SLC6A3: variants seen among roughly 807,000 people sequenced by gnomAD.
The protein encoded by SLC6A3 is sodium-dependent dopamine transporter.
In SLC6A3, 19 loss-of-function variants were observed where a neutral mutation model predicts 70.4. The ratio of observed to expected loss-of-function variants is 0.27; its 90% CI spans 0.19 to 0.40. The LOEUF is 0.40. SLC6A3 is among the 10% of genes least tolerant of loss of function. The pLI is 1.00. For missense variants in SLC6A3, 613 were observed against 838.5 expected, an observed-to-expected ratio of 0.73 and a Z score of 3.32; for synonymous variants, 368 against 356.6, an observed-to-expected ratio of 1.03 and a Z score of -0.36.
In SLC6A3 at chr5:1,405,018, G is replaced by T. The variant is rs956994859; in HGVS notation, c.1599+1170C>A. 1.3e-5 allele frequency among the ~76,000 whole-genome samples: 2 copies of T among 152,178 alleles called. No individual in the cohort carries two copies. The highest frequency in any genetic ancestry group is 4.8e-5 in the African/African-American group (2 of 41,450). On this transcript the variant is annotated intron_variant, in intron 12 of 14. Transcript: ENST00000270349. This position sits in a 1 kb window ranked among gnomAD's most constrained non-coding sequence, Gnocchi z 5.3. ...GGGGAGAGCGGGAGGTGGGCAGGAGGCTGACTTTCTGGGAGGGCTTCCTCA... is the reference window on the plus strand; with the variant it reads ...GGGGAGAGCGGGAGGTGGGCAGGAGTCTGACTTTCTGGGAGGGCTTCCTCA...
At chr5:1,425,157 G>A (rs538394633) in intron 4 of SLC6A3, among the ~76,000 whole-genome samples, 1 of 152,324 alleles carries the variant, frequency 6.6e-6, no homozygotes, top group East Asian at 1.9e-4. Context: ...TTTTCCTGGT[G>A]AATTCCTGGC....
Position 1,402,322 on chromosome 5 carries a change from A to G in SLC6A3, c.1767+600T>C, listed in dbSNP as rs1284258963. ...TGACTGGTCCACCTGCCTTTCTTCT[A>G]CACAAAGGCGGCAAAACCAAGCAGA... is the stretch of plus-strand genomic sequence containing the variant. On this transcript the variant is annotated intron_variant, in intron 13 of 14. Transcript: ENST00000270349. The surrounding 1 kb of genome is among the most constrained non-coding windows in gnomAD (Gnocchi z 8.5). 6.6e-6 allele frequency among the ~76,000 whole-genome samples: 1 copy of G among 151,370 alleles called. No homozygotes were observed. Among genetic ancestry groups the G allele is most frequent in the East Asian group, 2.0e-4 (1 of 5,116 alleles).
chr5:1,414,606 C>A, intron 8 of SLC6A3, 85 bp downstream of exon 8: 1 of 1,517,802 alleles, frequency 6.6e-7, no homozygotes, highest in South Asian at 1.2e-5. Flanking sequence ...GCGTCTCCTT[C>A]CTCTTTCACA....
At chr5:1,431,805 G>A (rs1175157258) in intron 4 of SLC6A3, among the ~76,000 whole-genome samples, 1 of 152,192 alleles carries the variant, frequency 6.6e-6, no homozygotes, top group Non-Finnish European at 1.5e-5. Context: ...AAGGGAGAAG[G>A]AGACAGAGAC....
At chr5:1,433,059 C>T (rs140021557) in intron 3 of SLC6A3, among the ~76,000 whole-genome samples, 1 of 152,140 alleles carries the variant, frequency 6.6e-6, no homozygotes, top group Non-Finnish European at 1.5e-5. Context: ...CCAAGGTCAC[C>T]CCCAGCCACA....
intron 6 of SLC6A3, among the ~76,000 whole-genome samples, chr5:1,419,620 A>G (rs1365266663): frequency 6.6e-6 from 1 of 151,982 alleles, no homozygotes; most frequent in Non-Finnish European, 1.5e-5. Context: ...TGCTGACTTC[A>G]TGGTTTGTCT....
At chr5:1,416,976 ACCGCGGCGCCCTGATAAC>A (rs1756316177) in intron 6 of SLC6A3, among the ~76,000 whole-genome samples, 1 of 151,996 alleles carries the variant, frequency 6.6e-6, no homozygotes, top group Non-Finnish European at 1.5e-5. Flanking sequence ...ACACAACATG[ACCGCGGCGCCCTGATAAC>A]CCTCAGAACA....
intron 6 of SLC6A3, among the ~76,000 whole-genome samples, chr5:1,418,602 T>A (rs555260308): frequency 4.9e-4 from 74 of 151,736 alleles, no homozygotes; most frequent in African/African-American, 1.7e-3. Context: ...CACCCATCCA[T>A]CATCCATCCA....
Position 1,442,771 on chromosome 5 carries a change from C to T in SLC6A3, c.286+141G>A, listed in dbSNP as rs1733708810. The T allele has an allele frequency of 2.4e-6, 2 of 837,848 alleles. No individual in the cohort carries two copies. Among genetic ancestry groups the T allele is most frequent in the African/African-American group, 1.7e-5 (1 of 60,280 alleles). The allele number at this position is 837,848 out of a possible 1,614,324, so 51.9% of individuals were successfully genotyped here. ...TTGTGACATCCTCTGGGAGGATCTG[C>T]ACCGGCCGTGAGCTCTCACAGGGAG... On this transcript the variant is annotated intron_variant, in intron 2 of 14. Transcript: ENST00000270349. This position sits in a 1 kb window ranked among gnomAD's most constrained non-coding sequence, Gnocchi z 5.0.
intron 4 of SLC6A3, among the ~76,000 whole-genome samples, chr5:1,425,068 G>C (rs1431267312): frequency 6.6e-6 from 1 of 152,244 alleles, no homozygotes; most frequent in African/African-American, 2.4e-5. Context: ...TAATAGTTGG[G>C]AGGACCAGAA....
chr5:1,416,347 G>A, intron 6 of SLC6A3, 146 bp from the exon 7 acceptor site: 1 of 699,232 alleles, frequency 1.4e-6, no homozygotes, highest in Non-Finnish European at 2.6e-6. Flanking sequence ...CAGACGACTG[G>A]TGGAAGATGC....
intron 6 of SLC6A3, among the ~76,000 whole-genome samples, chr5:1,419,084 A>G (rs1399076223): frequency 7.4e-5 from 11 of 148,396 alleles, no homozygotes; most frequent in Non-Finnish European, 1.5e-5. Context: ...TGTCCATCCT[A>G]TCTAGCTACC....
chr5:1,409,720 C>T lies in SLC6A3; in HGVS notation c.1398+1G>A. 1.9e-6 allele frequency: 3 copies of T among 1,613,200 alleles called. No homozygotes were observed. The highest frequency in any genetic ancestry group is 2.5e-6 in the Non-Finnish European group (3 of 1,180,016). ...AAGGCGAAGCCGGCGATGGTACGTACGTTGGTGACGCAGAACAGGGACAGG... is the reference window on the plus strand; with the variant it reads ...AAGGCGAAGCCGGCGATGGTACGTATGTTGGTGACGCAGAACAGGGACAGG... On this transcript the variant is annotated splice_donor_variant, in intron 10 of 14. Coordinates refer to ENST00000270349, the MANE Select transcript of SLC6A3 (RefSeq NM_001044.5). LOFTEE classifies it high-confidence loss of function.
At position 1,421,378 on chromosome 5, in the gene SLC6A3, T is replaced by C. The variant is rs1316609037; in HGVS notation, c.792+498A>G. ...TTTTAGTAGAGATGGGGTTTCATCA[T>C]GTTGGCCAGGCTGTTCTTGAACCCC... On this transcript the variant is annotated intron_variant, in intron 5 of 14. Transcript: ENST00000270349. The surrounding 1 kb of genome is among the most constrained non-coding windows in gnomAD (Gnocchi z 7.2). Among the ~76,000 whole-genome samples, 1 of 152,134 alleles carries C rather than the reference T, an allele frequency of 6.6e-6. No individual in the cohort carries two copies. Among genetic ancestry groups the C allele is most frequent in the Non-Finnish European group, 1.5e-5 (1 of 68,026 alleles).
chr5:1,406,570 C>T lies in SLC6A3; in HGVS notation c.1499-282G>A, dbSNP rs1011617954. On this transcript the variant is annotated intron_variant, in intron 11 of 14. Coordinates refer to ENST00000270349, the MANE Select transcript of SLC6A3 (RefSeq NM_001044.5). This position sits in a 1 kb window ranked among gnomAD's most constrained non-coding sequence, Gnocchi z 8.8. ...CCCGGCAACAGCCCCTCGGGTCCTC[C>T]TCCCCATCCCATGGCTCTCCCTGTC... 8.5e-5 allele frequency among the ~76,000 whole-genome samples: 13 copies of T among 152,228 alleles called. No homozygotes were observed. The highest frequency in any genetic ancestry group is 2.4e-4 in the African/African-American group (10 of 41,454).
At position 1,432,468 on chromosome 5, in the gene SLC6A3, A is replaced by C; in HGVS notation, c.649T>G (p.Phe217Val). ...GAGGACCCGACTCCCACTTACTCAA[A>C]GTACTCGGCAGCAGGTGTGGTCCCA... is the stretch of plus-strand genomic sequence containing the variant. ...TFGTTPAAEYFERGVLHLHQS... is the reference protein window; with the variant it reads ...TFGTTPAAEYVERGVLHLHQS... Residue 217 changes from phenylalanine to valine, a missense_variant, in exon 4 of 15, where the codon TTT becomes GTT. Around this residue, in one of 4 missense-constraint regions of SLC6A3, gnomAD observed 153 missense variants for 249.4 expected, o/e 0.61. Coordinates refer to ENST00000270349, the MANE Select transcript of SLC6A3 (RefSeq NM_001044.5). 1 of 1,613,116 alleles carries C rather than the reference A, an allele frequency of 6.2e-7. No individual in the cohort carries two copies. The highest frequency in any genetic ancestry group is 8.5e-7 in the Non-Finnish European group (1 of 1,179,082).
chr5:1,402,820 G>A lies in SLC6A3; in HGVS notation c.1767+102C>T, dbSNP rs1755881218. On this transcript the variant is annotated intron_variant, in intron 13 of 14. Transcript: ENST00000270349. The surrounding 1 kb of genome is among the most constrained non-coding windows in gnomAD (Gnocchi z 8.5). ...GGCCACCTCCAGTCTCCTCCTCTTG[G>A]TCACAGATGACCCAGGCAGGTGAGG... 8.1e-7 allele frequency: 1 copy of A among 1,228,072 alleles called. No individual in the cohort carries two copies. The highest frequency in any genetic ancestry group is 1.2e-6 in the Non-Finnish European group (1 of 851,930). 76.1% of individuals were successfully genotyped at this position (1,228,072 alleles called of 1,614,324 possible). A position where few individuals can be genotyped will look rare whatever the true frequency, so the allele number is the denominator to read the frequency against.
In SLC6A3 at chr5:1,394,692, C is replaced by T. The variant is rs764465580; in HGVS notation, c.*43G>A. 2 of 1,596,768 alleles carry T rather than the reference C, an allele frequency of 1.3e-6. No individual in the cohort carries two copies. Among genetic ancestry groups the T allele is most frequent in the Admixed American group, 1.7e-5 (1 of 60,006 alleles). ...ATTTCCTTGGTTTGTTCGTGTCTCT[C>T]CCATTGCAGGATGACTTCCTGGGGT... On this transcript the variant is annotated 3_prime_UTR_variant, in exon 15 of 15. Transcript: ENST00000270349. This position sits in a 1 kb window ranked among gnomAD's most constrained non-coding sequence, Gnocchi z 4.7.
chr5:1,396,610 C>G lies in SLC6A3; in HGVS notation c.1840-1852G>C, dbSNP rs774782336. The stretch of plus-strand genomic sequence containing the variant: ...GAAGACCCGGGACAATGGCCCAGGA[C>G]CCCTGCTGAGGGTTCAGACGAGCAC... On this transcript the variant is annotated intron_variant, in intron 14 of 14. Transcript: ENST00000270349. The surrounding 1 kb of genome is among the most constrained non-coding windows in gnomAD (Gnocchi z 7.0). Among the ~76,000 whole-genome samples the G allele has an allele frequency of 1.3e-4, 19 of 147,862 alleles. No individual in the cohort carries two copies. The highest frequency in any genetic ancestry group is 2.4e-4 in the Non-Finnish European group (16 of 65,496).
Sources: gnomAD v4.1 joint callset for allele counts (sites outside exome capture counted in the v4.1 genomes callset) on GRCh38, gnomAD v4.1.1 for gene constraint, gnomAD v4.1.1 regional missense constraint, Gnocchi (gnomAD v3.1) non-coding constraint, MANE v1.5 for transcripts, NCBI Gene and HGNC (gene_info 2026-07-23, HGNC 2026-07-21) for gene names.